The following NAALADL2 variants were observed in gnomAD, a reference collection of about 807,000 sequenced individuals.
NAALADL2 encodes the protein inactive N-acetylated-alpha-linked acidic dipeptidase-like protein 2.
NAALADL2 carries 76 observed loss-of-function variants against 87.2 expected under a neutral mutation model. The ratio of observed to expected loss-of-function variants is 0.87; its 90% CI spans 0.72 to 1.05. NAALADL2 has a LOEUF of 1.05. Ranked by LOEUF, NAALADL2 falls within the 50% of genes least tolerant of loss-of-function variation. NAALADL2 has a pLI of 0.00. For missense variants in NAALADL2, 1,089 were observed against 945.8 expected (o/e 1.15, Z -1.99); for synonymous variants, 354 against 331.0 (o/e 1.07, Z -0.75).
chr3:175,323,813 C>T (rs937183337), intron 4 of NAALADL2, among the ~76,000 whole-genome samples: 6 of 151,514 alleles, frequency 4.0e-5, no homozygotes, highest in African/African-American at 1.5e-4. Flanking sequence ...GTCAGGCGAT[C>T]GAGACCATCC....
At chr3:175,295,618 A>G (rs1458800437) in intron 4 of NAALADL2, among the ~76,000 whole-genome samples, 1 of 151,586 alleles carries the variant, frequency 6.6e-6, no homozygotes, top group Non-Finnish European at 1.5e-5. Flanking sequence ...GTCTTCTTTC[A>G]TTCACACATG....
intron 5 of NAALADL2, among the ~76,000 whole-genome samples, chr3:175,350,871 T>C (rs1237155727): frequency 1.3e-5 from 2 of 152,192 alleles, no homozygotes; most frequent in Non-Finnish European, 2.9e-5. Flanking sequence ...TAAAATTATC[T>C]CTGCTAAGAA....
chr3:174,972,996 CAA>C (rs368649970), intron 1 of NAALADL2, among the ~76,000 whole-genome samples: 22 of 127,798 alleles, frequency 1.7e-4, no homozygotes, highest in African/African-American at 3.4e-4. Flanking sequence ...AACTCTGTCT[CAA>C]AAAAAAAAAA....
chr3:174,855,240 A>G (rs1471223396), upstream of NAALADL2, among the ~76,000 whole-genome samples: 3 of 152,176 alleles, frequency 2.0e-5, no homozygotes, highest in East Asian at 1.9e-4. Context: ...TTTGACAGCT[A>G]TGATGTTATG....
At chr3:174,456,305 A>G (rs1715826916) in intron 1 of NAALADL2, among the ~76,000 whole-genome samples, 1 of 150,464 alleles carries the variant, frequency 6.6e-6, no homozygotes, top group African/African-American at 2.4e-5. Context: ...TATAGATTCA[A>G]TGCTATTTCT....
chr3:175,666,535 C>A (rs1282848609), intron 11 of NAALADL2, among the ~76,000 whole-genome samples: 1 of 151,986 alleles, frequency 6.6e-6, no homozygotes, highest in Non-Finnish European at 1.5e-5. Context: ...TGTGCATATC[C>A]AGGCACCAAT....
chr3:174,614,665 G>A (rs373802002), intron 2 of NAALADL2, among the ~76,000 whole-genome samples: 20 of 152,082 alleles, frequency 1.3e-4, no homozygotes, highest in African/African-American at 3.9e-4. Flanking sequence ...TACTTTGAGC[G>A]CTCATCTGAT....
At chr3:174,467,365 C>T (rs567811159) in intron 1 of NAALADL2, among the ~76,000 whole-genome samples, 12 of 152,100 alleles carry the variant, frequency 7.9e-5, no homozygotes, top group African/African-American at 2.2e-4. Flanking sequence ...GAGGCCAAGG[C>T]GGGTGGATCA....
At chr3:175,593,125 C>A (rs1345128879) in intron 10 of NAALADL2, among the ~76,000 whole-genome samples, 2 of 152,022 alleles carry the variant, frequency 1.3e-5, no homozygotes, top group African/African-American at 4.8e-5. Context: ...GTATTAAGCT[C>A]CGTATGCATT....
intron 4 of NAALADL2, among the ~76,000 whole-genome samples, chr3:175,273,936 A>G (rs936532359): frequency 2.0e-5 from 3 of 151,818 alleles, no homozygotes; most frequent in Admixed American, 2.0e-4. Flanking sequence ...AATAAGAGAC[A>G]TTTCTTTGTT....
chr3:174,502,901 C>T (rs546090334), intron 1 of NAALADL2, among the ~76,000 whole-genome samples: 50 of 151,822 alleles, frequency 3.3e-4, no homozygotes, highest in African/African-American at 9.2e-4. Flanking sequence ...TGGTGGTGCG[C>T]GCCTGTAGTC....
At chr3:174,718,185 GA>G (rs1445247674) in intron 2 of NAALADL2, among the ~76,000 whole-genome samples, 1 of 152,084 alleles carries the variant, frequency 6.6e-6, no homozygotes, top group Non-Finnish European at 1.5e-5. Context: ...ATATGCCATT[GA>G]AAAATTCTGC....
At chr3:174,946,748 TGAA>T (rs1739482314) in intron 1 of NAALADL2, among the ~76,000 whole-genome samples, 1 of 152,108 alleles carries the variant, frequency 6.6e-6, no homozygotes, top group Non-Finnish European at 1.5e-5. Flanking sequence ...AAGGTAGATG[TGAA>T]GTAGGAAGAT....
At chr3:175,424,834 C>G (rs1334446534) in intron 5 of NAALADL2, among the ~76,000 whole-genome samples, 1 of 152,088 alleles carries the variant, frequency 6.6e-6, no homozygotes, top group African/African-American at 2.4e-5. Flanking sequence ...ACATAAATAT[C>G]TGGGTGGCAT....
Position 175,011,813 on chromosome 3 carries a change from C to T in NAALADL2, c.44-84977C>T, listed in dbSNP as rs76240606. ...TATGTTCCCTCCAGTTTTCTCCCAGCAGACTATCTTGATATCCTAAGACTC... is the reference window on the plus strand; with the variant it reads ...TATGTTCCCTCCAGTTTTCTCCCAGTAGACTATCTTGATATCCTAAGACTC... On this transcript the variant is annotated intron_variant, in intron 1 of 13. Transcript: ENST00000454872. Among the ~76,000 whole-genome samples the T allele has an allele frequency of 4.0e-3, 616 of 152,230 alleles. 12 individuals carry two copies. The highest frequency in any genetic ancestry group is 0.034 in the East Asian group (176 of 5,170).
intron 3 of NAALADL2, among the ~76,000 whole-genome samples, chr3:174,765,761 G>A (rs1713733108): frequency 6.6e-6 from 1 of 152,132 alleles, no homozygotes; most frequent in African/African-American, 2.4e-5. Context: ...ATGATAACAT[G>A]AGAAAGTGTT....
At chr3:175,530,451 G>A (rs1733946410) in intron 9 of NAALADL2, among the ~76,000 whole-genome samples, 1 of 152,180 alleles carries the variant, frequency 6.6e-6, no homozygotes, top group South Asian at 2.1e-4. Flanking sequence ...GCACAATCAG[G>A]TGCACTGCTT....
chr3:175,463,940 G>T (rs1015548202), intron 7 of NAALADL2, among the ~76,000 whole-genome samples: 2 of 151,930 alleles, frequency 1.3e-5, no homozygotes, highest in Non-Finnish European at 2.9e-5. Context: ...AGCAATTCTT[G>T]TACCTCATCC....
At chr3:174,538,995 G>A (rs1490190036) in intron 1 of NAALADL2, among the ~76,000 whole-genome samples, 1 of 152,016 alleles carries the variant, frequency 6.6e-6, no homozygotes, top group Non-Finnish European at 1.5e-5. Flanking sequence ...CCTTAACCTT[G>A]GCAAAACAAA....
Sources: allele counts gnomAD v4.1 joint callset (sites outside exome capture counted in the v4.1 genomes callset), GRCh38; gene constraint gnomAD v4.1.1; transcripts MANE v1.5; gene names NCBI Gene and HGNC (gene_info 2026-07-23, HGNC 2026-07-21).